PACS2: variants seen among roughly 807,000 people sequenced by gnomAD.
PACS2 encodes phosphofurin acidic cluster sorting protein 2.
In PACS2, 36 loss-of-function variants were observed where a neutral mutation model predicts 113.0. That is an observed-to-expected ratio of 0.32 (90% CI 0.24 to 0.42). PACS2 has a LOEUF of 0.42. Ranked by LOEUF, PACS2 falls within the 10% of genes least tolerant of loss-of-function variation. PACS2 has a pLI of 1.00. For missense variants in PACS2, 1,015 were observed against 1,239.5 expected (o/e 0.82, Z 2.72); for synonymous variants, 589 against 536.1 (o/e 1.10, Z -1.36).
At chr14:105,314,719 G>A (rs1186558335), upstream of PACS2, 1 of 143,374 alleles carries the variant, frequency 7.0e-6, no homozygotes, top group African/African-American at 2.5e-5. Flanking sequence ...GCGCGGGCGG[G>A]GCGCCGGGCG....
At chr14:105,362,283 TG>T (rs2060736201) in intron 4 of PACS2, among the ~76,000 whole-genome samples, 2 of 151,028 alleles carry the variant, frequency 1.3e-5, no homozygotes, top group African/African-American at 4.9e-5. Flanking sequence ...CTGGGCGTGG[TG>T]GCGGGCGCCT....
In PACS2 at chr14:105,383,443, C is replaced by T. The variant is rs782122939; in HGVS notation, c.1710C>T (p.Leu570=). The change falls in exon 16 of 25, where the codon CTC becomes CTT. Residue 570 remains leucine (L), a synonymous_variant. Coordinates refer to ENST00000447393, the MANE Select transcript of PACS2 (RefSeq NM_001100913.3). ...ATTACCTCAGTGCCATCCTGCGGCT[C>T]TTTGTGGAGCAGCTGTCCCACAAGA... is the stretch of plus-strand genomic sequence containing the variant. ...AQHYLSAILR[L]FVEQLSHKTP... The T allele has an allele frequency of 1.2e-6, 2 of 1,609,524 alleles. No individual in the cohort carries two copies. The highest frequency in any genetic ancestry group is 1.3e-5 in the African/African-American group (1 of 74,936).
intron 8 of PACS2, among the ~76,000 whole-genome samples, chr14:105,375,365 C>T (rs781921569): frequency 1.3e-5 from 2 of 151,546 alleles, no homozygotes; most frequent in Non-Finnish European, 2.9e-5. Context: ...GTAGTCCCAG[C>T]TACTCAGGAG....
rs1200859604 is a variant in PACS2 at position 105,324,587 on chromosome 14, C to T, written c.119+9550C>T. Among the ~76,000 whole-genome samples the T allele has an allele frequency of 3.3e-5, 5 of 152,158 alleles. No homozygotes were observed. The highest frequency in any genetic ancestry group is 1.5e-5 in the Non-Finnish European group (1 of 68,022). ...GCCGTCCCTTTCTGCTCCGCAGGCG[C>T]GCGCCGATGTGTGCTCAGCTCAGGC... On this transcript the variant is annotated intron_variant, in intron 1 of 24. Transcript: ENST00000447393. This position sits in a 1 kb window ranked among gnomAD's most constrained non-coding sequence, Gnocchi z 4.7.
At chr14:105,388,013 C>T (rs1168453676) in intron 19 of PACS2, among the ~76,000 whole-genome samples, 1 of 152,252 alleles carries the variant, frequency 6.6e-6, no homozygotes, top group Non-Finnish European at 1.5e-5. Context: ...TGCTGGGGGG[C>T]CAGGAGGCCG....
At position 105,315,192 on chromosome 14, in the gene PACS2, GC is replaced by G; in HGVS notation, c.119+162del. On this transcript the variant is annotated intron_variant, in intron 1 of 24. Coordinates refer to ENST00000447393, the MANE Select transcript of PACS2 (RefSeq NM_001100913.3). The surrounding 1 kb of genome is among the most constrained non-coding windows in gnomAD (Gnocchi z 4.4). Reference sequence around the variant, plus strand: ...CGCCGGTTCGACGCGTGCAGCCGCCGCCCCCCCGCAGCTCCGGCAAGCGCGG... The same window carrying G: ...CGCCGGTTCGACGCGTGCAGCCGCCGCCCCCCGCAGCTCCGGCAAGCGCGG... 1.4e-5 allele frequency: 4 copies of G among 290,368 alleles called. No individual in the cohort carries two copies. The highest frequency in any genetic ancestry group is 1.6e-5 in the Non-Finnish European group (3 of 188,648). The allele number at this position is 290,368 out of a possible 1,614,324, so 18.0% of individuals were successfully genotyped here. A position where few individuals can be genotyped will look rare whatever the true frequency, so the allele number is the denominator to read the frequency against.
In PACS2 at chr14:105,385,712, C is replaced by T; in HGVS notation, c.2028C>T (p.Thr676=). The T allele has an allele frequency of 1.3e-6, 2 of 1,516,310 alleles. No homozygotes were observed. The highest frequency in any genetic ancestry group is 1.8e-6 in the Non-Finnish European group (2 of 1,135,014). The allele number at this position is 1,516,310 out of a possible 1,614,324, so 93.9% of individuals were successfully genotyped here. A position where few individuals can be genotyped will look rare whatever the true frequency, so the allele number is the denominator to read the frequency against. Residue 676 remains threonine (T), a synonymous_variant, in exon 19 of 25, where the codon ACC becomes ACT. Coordinates refer to ENST00000447393, the MANE Select transcript of PACS2 (RefSeq NM_001100913.3). Reference sequence around the variant, plus strand: ...AAAAGCATTTTCATTTTGACTTTACCCTAAGGTACGGCTCTGTGGGTCTGC... The same window carrying T: ...AAAAGCATTTTCATTTTGACTTTACTCTAAGGTACGGCTCTGTGGGTCTGC... ...KRKKHFHFDF[T]LSPDEESSQK...
rs1199940610 is a variant in PACS2, at chr14:105,394,588, G to A, written c.2631G>A (p.Lys877=). ...ACGGCGTGGAGTGCAGCGACGTCAA[G>A]TTCTTCCAGCTGGCCGCGCAGTGGT... ...LIDGVECSDV[K]FFQLAAQWSS... is the part of the protein sequence containing the mutation. Residue 877 remains lysine (K), a synonymous_variant, in exon 25 of 25, where the codon AAG becomes AAA. Transcript: ENST00000447393. 6.2e-7 allele frequency: 1 copy of A among 1,613,262 alleles called. No individual in the cohort carries two copies. The highest frequency in any genetic ancestry group is 1.7e-5 in the Admixed American group (1 of 60,010).
At position 105,382,479 on chromosome 14, in the gene PACS2, C is replaced by G. The variant is rs1373882825; in HGVS notation, c.1416C>G (p.Ile472Met). The change falls in exon 14 of 25, where the codon ATC becomes ATG. Residue 472 changes from isoleucine (I) to methionine (M), a missense_variant and splice_region_variant. By Grantham distance (10) the Ile-to-Met change is conservative (BLOSUM62 1). Around this residue, in one of 3 missense-constraint regions of PACS2, gnomAD observed 859 missense variants for 1,056.8 expected, o/e 0.81. Coordinates refer to ENST00000447393, the MANE Select transcript of PACS2 (RefSeq NM_001100913.3). ...ARSQLQVQLQ[I>M]PRKTVYDQLN... ...TGGACAGGGCTCTGTGCCTCCAGATCCCCAGGAAGACTGTGTATGACCAGC... is the reference window on the plus strand; with the variant it reads ...TGGACAGGGCTCTGTGCCTCCAGATGCCCAGGAAGACTGTGTATGACCAGC... 1.3e-6 allele frequency: 2 copies of G among 1,591,526 alleles called. No individual in the cohort carries two copies. Among genetic ancestry groups the G allele is most frequent in the Non-Finnish European group, 1.7e-6 (2 of 1,159,708 alleles).
intron 2 of PACS2, among the ~76,000 whole-genome samples, chr14:105,351,978 C>T (rs1321770570): frequency 6.6e-6 from 1 of 152,242 alleles, no homozygotes; most frequent in Non-Finnish European, 1.5e-5. Context: ...AGCAACACAG[C>T]GAGACCTGTC....
intron 1 of PACS2, among the ~76,000 whole-genome samples, chr14:105,321,661 G>A (rs139279041): frequency 1.3e-4 from 19 of 151,540 alleles, no homozygotes; most frequent in East Asian, 5.9e-4. Flanking sequence ...CTAACGCCCC[G>A]TCACTTAATA....
intron 1 of PACS2, among the ~76,000 whole-genome samples, chr14:105,302,604 G>T (rs995147956): frequency 3.3e-5 from 5 of 151,942 alleles, no homozygotes; most frequent in Non-Finnish European, 5.9e-5. Context: ...TTTAAAAATT[G>T]AGATAGTGTC....
rs77449618 is a variant in PACS2 at position 105,396,262 on chromosome 14, C to A, written c.*1590C>A. 0.017 allele frequency: 2,641 copies of A among 152,484 alleles called. 25 individuals are homozygous for A. Among genetic ancestry groups the A allele is most frequent in the Middle Eastern group, 0.03 (9 of 298 alleles). The allele number at this position is 152,484 out of a possible 1,614,324, so 9.4% of individuals were successfully genotyped here. The stretch of plus-strand genomic sequence containing the variant: ...CCAGAGCCCCTCCACACCAGGGACT[C>A]CTCCTTCACCTGGGACCAGGAGCCT... On this transcript the variant is annotated 3_prime_UTR_variant, in exon 25 of 25. Transcript: ENST00000447393.
Position 105,394,785 on chromosome 14 carries a change from A to G in PACS2, c.*113A>G, listed in dbSNP as rs782484301. 98 of 760,198 alleles carry G rather than the reference A, an allele frequency of 1.3e-4. 1 individual carries two copies. Among genetic ancestry groups the G allele is most frequent in the South Asian group, 7.7e-4 (52 of 67,914 alleles). The allele number at this position is 760,198 out of a possible 1,614,324, so 47.1% of individuals were successfully genotyped here. A position where few individuals can be genotyped will look rare whatever the true frequency, so the allele number is the denominator to read the frequency against. ...AGACGCTTAAAACACAAAGAGAAAC[A>G]GTCTTAAGTATGAATGTGCTCACAA... On this transcript the variant is annotated 3_prime_UTR_variant, in exon 25 of 25. Coordinates refer to ENST00000447393, the MANE Select transcript of PACS2 (RefSeq NM_001100913.3).
chr14:105,368,042 G>T (rs587674365), intron 5 of PACS2, 32 bp from the exon 6 acceptor site: 3 of 1,479,186 alleles, frequency 2.0e-6, no homozygotes, highest in Non-Finnish European at 2.8e-6. Context: ...GGAATCTCAC[G>T]GCACCCTCCC....
intron 1 of PACS2, among the ~76,000 whole-genome samples, chr14:105,347,500 G>A (rs1339446854): frequency 6.6e-6 from 1 of 152,170 alleles, no homozygotes; most frequent in African/African-American, 2.4e-5. Context: ...TACTTTGAGG[G>A]CCAAGCACCA....
chr14:105,318,885 T>C (rs1595556889), intron 1 of PACS2, among the ~76,000 whole-genome samples: 1 of 150,916 alleles, frequency 6.6e-6, no homozygotes, highest in Admixed American at 6.6e-5. Flanking sequence ...TGGTCTCAAT[T>C]TTCTGACCTC....
At chr14:105,362,542 A>G (rs1298545477) in intron 4 of PACS2, among the ~76,000 whole-genome samples, 2 of 151,978 alleles carry the variant, frequency 1.3e-5, no homozygotes, top group African/African-American at 4.8e-5. Context: ...TGAATGAAAT[A>G]CATTTTTTTT....
chr14:105,305,088 G>A (rs2058148152), intron 1 of PACS2, among the ~76,000 whole-genome samples: 1 of 152,182 alleles, frequency 6.6e-6, no homozygotes. Context: ...CTTCCCTCAT[G>A]AGCGGGATTA....
Sources: gnomAD v4.1 joint callset for allele counts (sites outside exome capture counted in the v4.1 genomes callset) on GRCh38, gnomAD v4.1.1 for gene constraint, gnomAD v4.1.1 regional missense constraint, Gnocchi (gnomAD v3.1) non-coding constraint, MANE v1.5 for transcripts, NCBI Gene and HGNC (gene_info 2026-07-23, HGNC 2026-07-21) for gene names.